RPS6KA2: variants seen among roughly 807,000 people sequenced by gnomAD.
RPS6KA2 encodes ribosomal protein S6 kinase A2.
RPS6KA2 carries 42 observed loss-of-function variants against 91.8 expected under a neutral mutation model. The ratio of observed to expected loss-of-function variants is 0.46; its 90% CI spans 0.36 to 0.59. RPS6KA2 has a LOEUF of 0.59. Among genes scored for constraint, RPS6KA2 ranks in the 20% least tolerant of loss-of-function variants. The pLI is 0.00. For missense variants in RPS6KA2, 798 were observed against 978.5 expected, an observed-to-expected ratio of 0.82 and a Z score of 2.46; for synonymous variants, 414 against 393.6, an observed-to-expected ratio of 1.05 and a Z score of -0.61.
chr6:166,476,891 C>T (rs777814847), intron 10 of RPS6KA2, among the ~76,000 whole-genome samples: 69 of 152,168 alleles, frequency 4.5e-4, no homozygotes, highest in Non-Finnish European at 8.2e-4. Flanking sequence ...GTGCGATTGC[C>T]TTGCATATCC....
At chr6:166,540,042 G>C (rs1015159043) in intron 1 of RPS6KA2, among the ~76,000 whole-genome samples, 1 of 152,162 alleles carries the variant, frequency 6.6e-6, no homozygotes, top group Non-Finnish European at 1.5e-5. Flanking sequence ...TTCTTTTCAT[G>C]AAGAAACTGT....
chr6:166,618,017 G>A (rs1361660269), intron 1 of RPS6KA2, among the ~76,000 whole-genome samples: 2 of 152,230 alleles, frequency 1.3e-5, no homozygotes, highest in African/African-American at 4.8e-5. Flanking sequence ...TGTCCCGGAT[G>A]GCTGAGAGAA....
At chr6:166,641,141 C>T (rs1019587053) in intron 2 of RPS6KA2, among the ~76,000 whole-genome samples, 3 of 152,084 alleles carry the variant, frequency 2.0e-5, no homozygotes, top group Admixed American at 6.5e-5. Context: ...ACAGTTTAAA[C>T]GGGAAATTTC....
chr6:166,521,335 C>A (rs1389048833), intron 3 of RPS6KA2, among the ~76,000 whole-genome samples: 1 of 152,236 alleles, frequency 6.6e-6, no homozygotes, highest in Non-Finnish European at 1.5e-5. Context: ...CCCTGCCCTG[C>A]AAAGCTCCGG....
intron 2 of RPS6KA2, among the ~76,000 whole-genome samples, chr6:166,754,871 G>A (rs536900515): frequency 6.6e-6 from 1 of 152,308 alleles, no homozygotes; most frequent in East Asian, 1.9e-4. Flanking sequence ...GGTGCCCAGG[G>A]CGGCGGGTTC....
chr6:166,824,363 C>G (rs1779981147), intron 2 of RPS6KA2, among the ~76,000 whole-genome samples: 1 of 152,222 alleles, frequency 6.6e-6, no homozygotes, highest in African/African-American at 2.4e-5. Context: ...AGCAGCCTGT[C>G]CCCCTGGTGC....
In RPS6KA2 at chr6:166,410,311, T is replaced by C. The variant is rs552769062; in HGVS notation, c.*2451A>G. The C allele has an allele frequency of 3.9e-5, 6 of 152,460 alleles. No individual in the cohort carries two copies. The highest frequency in any genetic ancestry group is 9.6e-5 in the African/African-American group (4 of 41,576). 9.4% of individuals were successfully genotyped at this position (152,460 alleles called of 1,614,324 possible). A position where few individuals can be genotyped will look rare whatever the true frequency, so the allele number is the denominator to read the frequency against. ...GTGCGCTGAGCTGGCAAAATGCGAATTCTAAGAACACCTTCATTTACATGT... is the reference window on the plus strand; with the variant it reads ...GTGCGCTGAGCTGGCAAAATGCGAACTCTAAGAACACCTTCATTTACATGT... On this transcript the variant is annotated 3_prime_UTR_variant, in exon 21 of 21. Coordinates refer to ENST00000265678, the MANE Select transcript of RPS6KA2 (RefSeq NM_021135.6).
chr6:166,770,775 A>C lies in RPS6KA2; in HGVS notation c.123+87425T>G, dbSNP rs1778444197. On this transcript the variant is annotated intron_variant, in intron 2 of 21. Coordinates refer to the RPS6KA2 transcript ENST00000503859. The surrounding 1 kb of genome is among the most constrained non-coding windows in gnomAD (Gnocchi z 5.1). Reference sequence around the variant, plus strand: ...CCGGGCACCGTGAAACAACTCAATAAATTGAAAAAGACTTCATGTTTAACT... The same window carrying C: ...CCGGGCACCGTGAAACAACTCAATACATTGAAAAAGACTTCATGTTTAACT... The C allele has an allele frequency of 7.6e-7, 1 of 1,314,250 alleles. No individual in the cohort carries two copies. Among genetic ancestry groups the C allele is most frequent in the South Asian group, 1.3e-5 (1 of 76,638 alleles). 81.4% of individuals were successfully genotyped at this position (1,314,250 alleles called of 1,614,324 possible).
chr6:166,836,234 C>A (rs757332741), intron 2 of RPS6KA2, among the ~76,000 whole-genome samples: 3 of 151,886 alleles, frequency 2.0e-5, no homozygotes, highest in African/African-American at 7.2e-5. Flanking sequence ...TGTCTTTGCA[C>A]GGGTTTTAGT....
intron 1 of RPS6KA2, among the ~76,000 whole-genome samples, chr6:166,625,929 C>T (rs1006629884): frequency 6.6e-6 from 1 of 152,130 alleles, no homozygotes; most frequent in South Asian, 2.1e-4. Context: ...GTTACAGAAC[C>T]CATGTCTGTG....
intron 11 of RPS6KA2, chr6:166,465,499 G>C (rs573506221): frequency 1.3e-5 from 2 of 152,408 alleles, no homozygotes; most frequent in East Asian, 3.9e-4. Context: ...AGCTGAGATG[G>C]GGGGACCACT....
At position 166,430,415 on chromosome 6, in the gene RPS6KA2, C is replaced by T. The variant is rs752527669; in HGVS notation, c.1581+38G>A. On this transcript the variant is annotated intron_variant, in intron 16 of 20. Transcript: ENST00000265678. ...TGGTTTTGGTTCCTGCCCTGAAGCT[C>T]CCTCCTCCCCGAAGGCTGCCCCAGG... The T allele has an allele frequency of 4.4e-6, 7 of 1,579,470 alleles. No individual in the cohort carries two copies. In the East Asian group the frequency reaches 6.8e-5, roughly 15 times the overall value.
chr6:166,657,850 G>A (rs1158625786), intron 2 of RPS6KA2, among the ~76,000 whole-genome samples: 1 of 152,214 alleles, frequency 6.6e-6, no homozygotes, highest in African/African-American at 2.4e-5. Flanking sequence ...AACTGCAGAT[G>A]TGTTTCTGCA....
At position 166,638,229 on chromosome 6, in the gene RPS6KA2, A is replaced by C. The variant is rs181961531; in HGVS notation, c.124-99445T>G. Among the ~76,000 whole-genome samples the C allele has an allele frequency of 3.3e-3, 502 of 152,376 alleles. 4 individuals are homozygous for C. The highest frequency in any genetic ancestry group is 0.011 in the African/African-American group (470 of 41,590). On this transcript the variant is annotated intron_variant, in intron 2 of 21. Transcript: ENST00000503859. ...ACAGCTCCAAGGAGCGCAAGCTCGCAATCACTGTGCGCAAAATCCACAAGA... is the reference window on the plus strand; with the variant it reads ...ACAGCTCCAAGGAGCGCAAGCTCGCCATCACTGTGCGCAAAATCCACAAGA...
intron 16 of RPS6KA2, 69 bp downstream of exon 16, chr6:166,430,384 C>A: frequency 7.1e-7 from 1 of 1,417,898 alleles, no homozygotes; most frequent in South Asian, 1.3e-5. Context: ...AACCCATAAA[C>A]CCTTGTGGTT....
intron 2 of RPS6KA2, among the ~76,000 whole-genome samples, chr6:166,683,677 C>T (rs1393322464): frequency 2.6e-5 from 4 of 152,298 alleles, no homozygotes; most frequent in African/African-American, 4.8e-5. Flanking sequence ...ACTAGGTAGG[C>T]GCAAATATGT....
intron 2 of RPS6KA2, among the ~76,000 whole-genome samples, chr6:166,682,422 T>C (rs1438074436): frequency 1.3e-5 from 2 of 152,094 alleles, no homozygotes; most frequent in Non-Finnish European, 2.9e-5. Context: ...CATCGGAGCC[T>C]AGAATGCCCA....
intron 1 of RPS6KA2, among the ~76,000 whole-genome samples, chr6:166,555,189 C>G (rs567342754): frequency 6.6e-6 from 1 of 152,284 alleles, no homozygotes; most frequent in South Asian, 2.1e-4. Context: ...TCATAAGTGA[C>G]AGGGGTGAGA....
chr6:166,592,890 G>A (rs1046354576), intron 1 of RPS6KA2, among the ~76,000 whole-genome samples: 3 of 152,042 alleles, frequency 2.0e-5, no homozygotes, highest in East Asian at 1.9e-4. Flanking sequence ...ATTAGACATC[G>A]GAGACCAAAA....
Sources: gnomAD v4.1 joint callset for allele counts (sites outside exome capture counted in the v4.1 genomes callset) on GRCh38, gnomAD v4.1.1 for gene constraint, Gnocchi (gnomAD v3.1) non-coding constraint, MANE v1.5 for transcripts, NCBI Gene and HGNC (gene_info 2026-07-23, HGNC 2026-07-21) for gene names.